The following RIMS2 variants were observed in gnomAD, a reference collection of about 807,000 sequenced individuals.
RIMS2 encodes the protein regulating synaptic membrane exocytosis 2.
RIMS2 carries 59 observed loss-of-function variants against 174.4 expected under a neutral mutation model. The observed-to-expected ratio is 0.34, with a 90% CI of 0.27 to 0.42. The LOEUF (loss-of-function observed/expected upper bound fraction) is 0.42. RIMS2 is among the 10% of genes least tolerant of loss of function. RIMS2 has a pLI of 1.00. For missense variants in RIMS2, 1,620 were observed against 1,666.3 expected (o/e 0.97, Z 0.48); for synonymous variants, 606 against 572.5 (o/e 1.06, Z -0.84).
chr8:104,250,650 G>A (rs1309727061), intron 22 of RIMS2, among the ~76,000 whole-genome samples: 1 of 152,112 alleles, frequency 6.6e-6, no homozygotes, highest in Non-Finnish European at 1.5e-5. Flanking sequence ...CACTATTTGT[G>A]GGGATGAGTG....
intron 1 of RIMS2, among the ~76,000 whole-genome samples, chr8:103,530,928 TA>T: frequency 6.6e-6 from 1 of 152,004 alleles, no homozygotes; most frequent in East Asian, 1.9e-4. Context: ...TTAATGACCT[TA>T]ACTTTTATGG....
At chr8:103,544,807 A>G (rs571809650) in intron 1 of RIMS2, among the ~76,000 whole-genome samples, 1 of 152,366 alleles carries the variant, frequency 6.6e-6, no homozygotes, top group African/African-American at 2.4e-5. Flanking sequence ...CGAACAGACT[A>G]GAATCAAAGC....
intron 4 of RIMS2, among the ~76,000 whole-genome samples, chr8:103,889,101 T>C (rs2099225968): frequency 1.3e-5 from 2 of 151,750 alleles, no homozygotes; most frequent in African/African-American, 4.8e-5. Flanking sequence ...ATTTTTTTAT[T>C]ATTTGTGGAA....
At chr8:104,123,387 T>C (rs1051931399) in intron 19 of RIMS2, among the ~76,000 whole-genome samples, 10 of 152,022 alleles carry the variant, frequency 6.6e-5, no homozygotes, top group African/African-American at 2.4e-4. Context: ...TAGTTCATTC[T>C]ACATAGGCAG....
chr8:104,144,645 A>G (rs2098615547), intron 19 of RIMS2, among the ~76,000 whole-genome samples: 1 of 152,190 alleles, frequency 6.6e-6, no homozygotes, highest in South Asian at 2.1e-4. Context: ...GACTGGTCAC[A>G]GTATATCCTT....
intron 19 of RIMS2, among the ~76,000 whole-genome samples, chr8:104,155,409 CT>C (rs10578958): frequency 0.028 from 2,258 of 80,986 alleles, 68 homozygotes; most frequent in African/African-American, 0.084. Context: ...CCCGGCCTTG[CT>C]TTTTTTTTTT....
chr8:103,647,522 G>T (rs1291289857), intron 1 of RIMS2, among the ~76,000 whole-genome samples: 1 of 152,086 alleles, frequency 6.6e-6, no homozygotes, highest in African/African-American at 2.4e-5. Context: ...TTGTACCTCT[G>T]GTAGAATTCA....
intron 3 of RIMS2, chr8:103,768,249 G>A (rs767984146): frequency 2.7e-4 from 133 of 488,014 alleles, no homozygotes; most frequent in Middle Eastern, 4.1e-4. Context: ...GCTCTTTTTC[G>A]TGGTGCCTTG....
intron 1 of RIMS2, among the ~76,000 whole-genome samples, chr8:103,625,382 A>T (rs1447150627): frequency 6.6e-6 from 1 of 152,214 alleles, no homozygotes; most frequent in Non-Finnish European, 1.5e-5. Flanking sequence ...ATTCTAGAAC[A>T]GAGCACTAAG....
intron 1 of RIMS2, among the ~76,000 whole-genome samples, chr8:103,506,835 G>C (rs1196447311): frequency 6.6e-6 from 1 of 152,080 alleles, no homozygotes; most frequent in African/African-American, 2.4e-5. Flanking sequence ...AGTTTCCTCA[G>C]CAAATACCAT....
chr8:103,539,271 G>A (rs974384772), intron 1 of RIMS2, among the ~76,000 whole-genome samples: 12 of 152,020 alleles, frequency 7.9e-5, no homozygotes, highest in African/African-American at 2.9e-4. Flanking sequence ...ATTCATTTAG[G>A]GAAAAATGTC....
intron 2 of RIMS2, among the ~76,000 whole-genome samples, chr8:103,746,994 G>T (rs2139561502): frequency 6.6e-6 from 1 of 151,812 alleles, no homozygotes; most frequent in South Asian, 2.1e-4. Flanking sequence ...GTGGTATTTG[G>T]TTTTCTGTTC....
chr8:103,688,079 C>G (rs958179984), intron 1 of RIMS2, among the ~76,000 whole-genome samples: 1 of 151,874 alleles, frequency 6.6e-6, no homozygotes, highest in East Asian at 1.9e-4. Flanking sequence ...AATTTGGATG[C>G]CTTTTATTTC....
chr8:104,069,656 A>T (rs2097164578), intron 19 of RIMS2, among the ~76,000 whole-genome samples: 1 of 151,562 alleles, frequency 6.6e-6, no homozygotes, highest in African/African-American at 2.4e-5. Context: ...TTTAGGAGAG[A>T]CGAGGTTTCA....
At chr8:103,610,943 C>T (rs1005580975) in intron 1 of RIMS2, among the ~76,000 whole-genome samples, 2 of 152,112 alleles carry the variant, frequency 1.3e-5, no homozygotes, top group East Asian at 3.9e-4. Flanking sequence ...GGCGTGAATC[C>T]TTCTGGGCCT....
At chr8:103,744,909 A>T (rs919910497) in intron 2 of RIMS2, among the ~76,000 whole-genome samples, 1 of 152,168 alleles carries the variant, frequency 6.6e-6, no homozygotes, top group Non-Finnish European at 1.5e-5. Flanking sequence ...ATTCAAATAA[A>T]CTTCTTTGCA....
chr8:103,902,694 A>G (rs771196456), intron 4 of RIMS2, among the ~76,000 whole-genome samples: 3 of 152,130 alleles, frequency 2.0e-5, no homozygotes, highest in Non-Finnish European at 2.9e-5. Context: ...GGCTTCAGCA[A>G]TATGTCTCAA....
intron 19 of RIMS2, among the ~76,000 whole-genome samples, chr8:104,135,756 AGT>A (rs140903878): frequency 0.023 from 3,462 of 152,196 alleles, 131 homozygotes; most frequent in African/African-American, 0.079. Flanking sequence ...TTTGCAAAAG[AGT>A]GTTTGAAATG....
At chr8:103,905,582 G>C (rs1435251292) in intron 4 of RIMS2, among the ~76,000 whole-genome samples, 1 of 150,780 alleles carries the variant, frequency 6.6e-6, no homozygotes, top group Non-Finnish European at 1.5e-5. Context: ...GTTTGTATAG[G>C]GTTTTACATA....
Sources: allele counts gnomAD v4.1 joint callset (sites outside exome capture counted in the v4.1 genomes callset), GRCh38; gene constraint gnomAD v4.1.1; transcripts MANE v1.5; gene names NCBI Gene and HGNC (gene_info 2026-07-23, HGNC 2026-07-21).